EFR3A: variants seen among roughly 807,000 people sequenced by gnomAD.
EFR3A encodes the protein EFR3 homolog A.
A neutral mutation model predicts 104.4 loss-of-function variants in EFR3A; 76 were observed. The observed-to-expected ratio is 0.73, with a 90% CI of 0.60 to 0.88. EFR3A has a LOEUF of 0.88. Ranked by LOEUF, EFR3A falls within the 40% of genes least tolerant of loss-of-function variation. EFR3A has a pLI of 0.00. For missense variants in EFR3A, 985 were observed against 1,012.5 expected (o/e 0.97, Z 0.37); for synonymous variants, 330 against 330.0 (o/e 1.00, Z 0.00).
At position 131,995,213 on chromosome 8, in the gene EFR3A, G is replaced by A. The variant is rs113372885; in HGVS notation, c.2066-1193G>A. Among the ~76,000 whole-genome samples, 1,287 of 152,186 alleles carry A rather than the reference G, an allele frequency of 8.5e-3. 9 individuals are homozygous for A. Among genetic ancestry groups the A allele is most frequent in the South Asian group, 0.014 (68 of 4,822 alleles). On this transcript the variant is annotated intron_variant, in intron 18 of 22. Transcript: ENST00000254624. ...TCCATGCTGCAGACTGAGACTATCC[G>A]ATGGCTAGCCTAACTTTTACTCACT...
intron 18 of EFR3A, among the ~76,000 whole-genome samples, chr8:131,994,787 T>C (rs973618034): frequency 2.0e-5 from 3 of 152,160 alleles, no homozygotes; most frequent in African/African-American, 7.2e-5. Context: ...AATAAGAAAC[T>C]GGAAATGTTG....
chr8:131,978,100 G>A (rs1055524108), intron 12 of EFR3A, among the ~76,000 whole-genome samples: 2 of 152,040 alleles, frequency 1.3e-5, no homozygotes, highest in African/African-American at 4.8e-5. Context: ...AAATGTAAAT[G>A]TTAAGTATTC....
chr8:131,999,773 CCA>C (rs2130799189), intron 19 of EFR3A, among the ~76,000 whole-genome samples: 1 of 151,646 alleles, frequency 6.6e-6, no homozygotes, highest in East Asian at 1.9e-4. Flanking sequence ...AAGTTGTATA[CCA>C]GGCTGAGGGC....
At chr8:131,935,588 A>G (rs1422235661) in intron 1 of EFR3A, 3 of 408,446 alleles carry the variant, frequency 7.3e-6, no homozygotes, top group African/African-American at 2.1e-5. Flanking sequence ...ATTGCTACAT[A>G]GAAGGTGTAG....
intron 22 of EFR3A, among the ~76,000 whole-genome samples, chr8:132,008,605 G>A (rs973180923): frequency 2.3e-4 from 35 of 151,804 alleles, no homozygotes; most frequent in South Asian, 2.1e-4. Flanking sequence ...GACCATTTAC[G>A]TGAAGTTTAA....
intron 1 of EFR3A, among the ~76,000 whole-genome samples, chr8:131,911,372 A>G (rs1315073544): frequency 6.6e-6 from 1 of 152,200 alleles, no homozygotes; most frequent in Admixed American, 6.5e-5. Flanking sequence ...GATATTCAGT[A>G]AGGCTTTTCT....
chr8:131,949,019 C>T (rs1392845361), intron 4 of EFR3A, among the ~76,000 whole-genome samples: 1 of 151,968 alleles, frequency 6.6e-6, no homozygotes, highest in African/African-American at 2.4e-5. Flanking sequence ...ATTTTTACCT[C>T]TTTTTTATTG....
At chr8:131,969,649 A>G (rs866340310) in intron 9 of EFR3A, among the ~76,000 whole-genome samples, 16 of 151,806 alleles carry the variant, frequency 1.1e-4, no homozygotes, top group Middle Eastern at 3.4e-3. Flanking sequence ...TTTTATTGTC[A>G]AATAAAGGTG....
At chr8:132,005,292 T>G (rs1821977009) in intron 22 of EFR3A, among the ~76,000 whole-genome samples, 1 of 152,172 alleles carries the variant, frequency 6.6e-6, no homozygotes, top group Admixed American at 6.5e-5. Flanking sequence ...CATTTTCTCT[T>G]GTTAATTTGC....
rs1461499758 is a variant in EFR3A at position 131,950,049 on chromosome 8, C to G, written c.447C>G (p.Ala149=). The G allele has an allele frequency of 2.5e-6, 4 of 1,610,268 alleles. No homozygotes were observed. The highest frequency in any genetic ancestry group is 1.7e-5 in the Admixed American group (1 of 59,540). ...ACTTTTTTGTGTCTCGATTCAGTGC[C>G]ATGTGCCATTCCTGTCATAGTGATC... ...RYDFFVSRFS[A]MCHSCHSDPE... The change falls in exon 5 of 23, where the codon GCC becomes GCG. Residue 149 remains alanine (A), a synonymous_variant. Coordinates refer to ENST00000254624, the MANE Select transcript of EFR3A (RefSeq NM_015137.6).
At chr8:131,986,154 A>T in intron 16 of EFR3A, 40 bp from the exon 17 acceptor site, 1 of 1,115,866 alleles carries the variant, frequency 9.0e-7, no homozygotes, top group Non-Finnish European at 1.3e-6. Context: ...ACTGAGGGGT[A>T]GGGTTTTTGA....
chr8:131,950,849 CCTA>C (rs1425939884), intron 5 of EFR3A, among the ~76,000 whole-genome samples: 5 of 152,000 alleles, frequency 3.3e-5, no homozygotes, highest in African/African-American at 1.2e-4. Context: ...CTGGATATAT[CCTA>C]CTAAAAATCT....
At chr8:131,929,704 A>G (rs1347452761) in intron 1 of EFR3A, among the ~76,000 whole-genome samples, 1 of 152,152 alleles carries the variant, frequency 6.6e-6, no homozygotes, top group Non-Finnish European at 1.5e-5. Context: ...AAAAGAATAC[A>G]TGAGATTGGG....
rs142186096 is a variant in EFR3A, at chr8:132,001,804, A to G, written c.2203A>G (p.Ile735Val). The G allele has an allele frequency of 3.2e-5, 51 of 1,612,974 alleles. No individual in the cohort carries two copies. In the African/African-American group the frequency reaches 5.1e-4, roughly 16 times the overall value. Residue 735 changes from isoleucine to valine, a missense_variant, in exon 20 of 23, where the codon ATT becomes GTT. Coordinates refer to ENST00000254624, the MANE Select transcript of EFR3A (RefSeq NM_015137.6). ...CACTTTTGAAGCATTGAAGAAAGCA[A>G]TTGGTGAGATATTTTGCACTTGTTA... ...EITFEALKKA[I>V]DTSGMEEQEK...
rs568742352 is a variant in EFR3A at position 131,950,822 on chromosome 8, A to G, written c.488+732A>G. Reference sequence around the variant, plus strand: ...GGTTGTCATGACAACTGTCTTGGACATTTTTAAACATTTCTTCTGGATATA... The same window carrying G: ...GGTTGTCATGACAACTGTCTTGGACGTTTTTAAACATTTCTTCTGGATATA... On this transcript the variant is annotated intron_variant, in intron 5 of 22. Coordinates refer to ENST00000254624, the MANE Select transcript of EFR3A (RefSeq NM_015137.6). Among the ~76,000 whole-genome samples, 279 of 152,278 alleles carry G rather than the reference A, an allele frequency of 1.8e-3. 2 individuals are homozygous for G. Among genetic ancestry groups the G allele is most frequent in the African/African-American group, 6.5e-3 (271 of 41,562 alleles).
chr8:131,913,845 A>T (rs771057738), intron 1 of EFR3A, among the ~76,000 whole-genome samples: 14 of 152,174 alleles, frequency 9.2e-5, no homozygotes. Flanking sequence ...CATTTCCTGG[A>T]ATCTCATAAA....
intron 1 of EFR3A, among the ~76,000 whole-genome samples, chr8:131,930,152 G>C (rs966933225): frequency 2.6e-5 from 4 of 152,118 alleles, no homozygotes; most frequent in African/African-American, 9.7e-5. Context: ...AAACTCTTAA[G>C]AGTTTGTTTA....
chr8:131,990,906 C>T lies in EFR3A; in HGVS notation c.2065+3204C>T, dbSNP rs114112897. 8.5e-3 allele frequency among the ~76,000 whole-genome samples: 1,299 copies of T among 151,942 alleles called. 17 individuals carry two copies. Among genetic ancestry groups the T allele is most frequent in the African/African-American group, 0.029 (1,216 of 41,452 alleles). Reference sequence around the variant, plus strand: ...AGTGAATGGTGTAAAACTGAGGGGACGCATAGGATTTACTTACCATTTCAT... The same window carrying T: ...AGTGAATGGTGTAAAACTGAGGGGATGCATAGGATTTACTTACCATTTCAT... On this transcript the variant is annotated intron_variant, in intron 18 of 22. Coordinates refer to ENST00000254624, the MANE Select transcript of EFR3A (RefSeq NM_015137.6).
rs772551695 is a variant in EFR3A at position 131,968,368 on chromosome 8, T to G, written c.929T>G (p.Val310Gly). The G allele has an allele frequency of 5.6e-6, 9 of 1,613,572 alleles. No individual in the cohort carries two copies. The Admixed American group carries it at 1.2e-4, about 21-fold the overall frequency. The stretch of plus-strand genomic sequence containing the variant: ...GCTCGTAAAAAAGATGCTCCCCGGG[T>G]TCGAGCAGGTATTATTCAGGTTCTG... ...LDARKKDAPR[V>G]RAGIIQVLLE... Residue 310 changes from valine to glycine, a missense_variant, in exon 9 of 23, where the codon GTT (valine) becomes GGT (glycine). Val to Gly is a moderately radical substitution (Grantham distance 109). Coordinates refer to ENST00000254624, the MANE Select transcript of EFR3A (RefSeq NM_015137.6).
Sources: gnomAD v4.1 joint callset for allele counts (sites outside exome capture counted in the v4.1 genomes callset) on GRCh38, gnomAD v4.1.1 for gene constraint, MANE v1.5 for transcripts, NCBI Gene and HGNC (gene_info 2026-07-23, HGNC 2026-07-21) for gene names.